FREM3: variants seen among roughly 807,000 people sequenced by gnomAD.
FREM3 encodes the protein FRAS1-related extracellular matrix protein 3.
In FREM3, 105 loss-of-function variants were observed where a neutral mutation model predicts 129.1. The ratio of observed to expected loss-of-function variants is 0.81; its 90% CI spans 0.69 to 0.96. The LOEUF is 0.96. Among genes scored for constraint, FREM3 ranks in the 40% least tolerant of loss-of-function variants. FREM3 has a pLI of 0.00. For synonymous variants in FREM3, 1,014 were observed against 1,044.9 expected (o/e 0.97, Z 0.57); for missense variants, 2,593 against 2,666.3 (o/e 0.97, Z 0.61).
chr4:143,595,069 A>C (rs926338092), intron 6 of FREM3, among the ~76,000 whole-genome samples: 5 of 152,382 alleles, frequency 3.3e-5, no homozygotes, highest in African/African-American at 1.2e-4. Context: ...GCTCTCAAAG[A>C]GATAAAATTA....
chr4:143,618,369 C>G lies in FREM3; in HGVS notation c.5779+2668G>C, dbSNP rs139061684. 2.6e-3 allele frequency among the ~76,000 whole-genome samples: 395 copies of G among 151,956 alleles called. 3 individuals are homozygous for G. The highest frequency in any genetic ancestry group is 8.3e-3 in the African/African-American group (345 of 41,414). On this transcript the variant is annotated intron_variant, in intron 5 of 7. Transcript: ENST00000329798. ...CTGAGCCTTGACCCCGAGATCCCCA[C>G]ATAAGAAGGTATTTTCATGTTTGTG... is the stretch of plus-strand genomic sequence containing the variant.
chr4:143,698,339 C>T lies in FREM3; in HGVS notation c.2337G>A (p.Gln779=), dbSNP rs762058146. ...GGTAGGCAACTTTATGCTGATTTAC[C>T]TGGGCTTGGGTAAAGTGCATGATGA... The part of the protein sequence containing the change: ...DTLIMHFTQA[Q]VNQHKVAYQP... Residue 779 remains glutamine, a synonymous_variant, in exon 1 of 8, where the codon CAG becomes CAA. Transcript: ENST00000329798. The T allele has an allele frequency of 6.5e-7, 1 of 1,537,848 alleles. No homozygotes were observed. Among genetic ancestry groups the T allele is most frequent in the South Asian group, 1.2e-5 (1 of 84,052 alleles).
At position 143,700,508 on chromosome 4, in the gene FREM3, G is replaced by A. The variant is rs1740679400; in HGVS notation, c.168C>T (p.Arg56=). 3.3e-6 allele frequency: 5 copies of A among 1,517,386 alleles called. No homozygotes were observed. The highest frequency in any genetic ancestry group is 1.2e-5 in the South Asian group (1 of 81,644). 94.0% of individuals were successfully genotyped at this position (1,517,386 alleles called of 1,614,324 possible). A position where few individuals can be genotyped will look rare whatever the true frequency, so the allele number is the denominator to read the frequency against. The change falls in exon 1 of 8, where the codon CGC becomes CGT. Residue 56 remains arginine (R), a synonymous_variant. Coordinates refer to ENST00000329798, the MANE Select transcript of FREM3 (RefSeq NM_001168235.2). Reference sequence around the variant, plus strand: ...CAATCAGCACGCTGGGGCCGTCGGGGCGAGTGCCGTCAAGCGCACCCCGGG... The same window carrying A: ...CAATCAGCACGCTGGGGCCGTCGGGACGAGTGCCGTCAAGCGCACCCCGGG... The part of the protein sequence containing the change: ...LPARGALDGT[R]PDGPSVLIAN...
intron 4 of FREM3, among the ~76,000 whole-genome samples, chr4:143,623,059 ACTT>A (rs1270955194): frequency 1.3e-5 from 2 of 152,210 alleles, no homozygotes; most frequent in African/African-American, 2.4e-5. Flanking sequence ...TATGAACACT[ACTT>A]CTCAAATTAT....
intron 1 of FREM3, among the ~76,000 whole-genome samples, chr4:143,694,308 G>A (rs1469477333): frequency 6.6e-6 from 1 of 152,140 alleles, no homozygotes; most frequent in Non-Finnish European, 1.5e-5. Context: ...TTCTGCACAA[G>A]TATAGAGCTT....
chr4:143,674,425 C>G (rs1441755761), intron 2 of FREM3, among the ~76,000 whole-genome samples: 2 of 152,102 alleles, frequency 1.3e-5, no homozygotes, highest in South Asian at 4.1e-4. Flanking sequence ...CGGTACCAGC[C>G]ACTGCAAAAA....
intron 2 of FREM3, among the ~76,000 whole-genome samples, chr4:143,653,798 T>C (rs1739551502): frequency 6.6e-6 from 1 of 152,226 alleles, no homozygotes; most frequent in African/African-American, 2.4e-5. Context: ...AGCGTTTAGA[T>C]GGTTGGGCCC....
intron 2 of FREM3, among the ~76,000 whole-genome samples, chr4:143,678,360 G>C (rs372897421): frequency 6.6e-6 from 1 of 152,042 alleles, no homozygotes; most frequent in East Asian, 1.9e-4. Flanking sequence ...TTGGACACAG[G>C]AAGGGGAACA....
chr4:143,679,983 A>G (rs940532616), intron 2 of FREM3, among the ~76,000 whole-genome samples: 2 of 152,250 alleles, frequency 1.3e-5, no homozygotes, highest in East Asian at 1.9e-4. Context: ...TAATGTGGTT[A>G]GTCATATTAA....
At chr4:143,635,860 A>T (rs1478785388) in intron 2 of FREM3, among the ~76,000 whole-genome samples, 1 of 152,142 alleles carries the variant, frequency 6.6e-6, no homozygotes, top group Non-Finnish European at 1.5e-5. Flanking sequence ...AAGAAGAGCT[A>T]TTTAGTGGGG....
intron 2 of FREM3, among the ~76,000 whole-genome samples, chr4:143,684,535 C>G (rs1740321028): frequency 6.6e-6 from 1 of 152,216 alleles, no homozygotes; most frequent in Non-Finnish European, 1.5e-5. Context: ...TTCCCTCTGA[C>G]AGAGGCTACC....
chr4:143,692,840 C>T (rs529671605), intron 2 of FREM3, among the ~76,000 whole-genome samples: 94 of 152,148 alleles, frequency 6.2e-4, no homozygotes, highest in Non-Finnish European at 1.1e-3. Flanking sequence ...TATATGATGT[C>T]ACACATGATC....
At chr4:143,584,620 A>C (rs545831487) in intron 7 of FREM3, among the ~76,000 whole-genome samples, 2 of 152,322 alleles carry the variant, frequency 1.3e-5, no homozygotes, top group Admixed American at 1.3e-4. Flanking sequence ...GAGTATCCTC[A>C]TTCATAAAAC....
intron 2 of FREM3, among the ~76,000 whole-genome samples, chr4:143,670,118 AT>A (rs1036620309): frequency 3.9e-5 from 6 of 152,058 alleles, no homozygotes; most frequent in Non-Finnish European, 7.3e-5. Flanking sequence ...ATCTCATCAA[AT>A]TGTTTCTTCA....
At chr4:143,659,408 CA>C (rs1487904845) in intron 2 of FREM3, among the ~76,000 whole-genome samples, 15 of 151,768 alleles carry the variant, frequency 9.9e-5, no homozygotes, top group African/African-American at 3.6e-4. Context: ...CATGTCACTA[CA>C]AAGGACATTT....
rs77042242 is a variant in FREM3, at chr4:143,693,430, T to A, written c.5186-228A>T. ...CTCACCCCAGTCAGACTGGTGATTA[T>A]TAAAAAGCCAAAAAATAACAGATGC... On this transcript the variant is annotated intron_variant, in intron 1 of 7. Transcript: ENST00000329798. Among the ~76,000 whole-genome samples the A allele has an allele frequency of 8.4e-3, 1,285 of 152,274 alleles. 20 individuals carry two copies. The highest frequency in any genetic ancestry group is 0.029 in the African/African-American group (1,217 of 41,550).
intron 2 of FREM3, among the ~76,000 whole-genome samples, chr4:143,674,441 C>A (rs1740067067): frequency 6.6e-6 from 1 of 152,080 alleles, no homozygotes; most frequent in African/African-American, 2.4e-5. Flanking sequence ...AAAAACATGC[C>A]AAATTGTAAA....
intron 3 of FREM3, among the ~76,000 whole-genome samples, chr4:143,626,414 G>T (rs1436868189): frequency 6.6e-6 from 1 of 152,086 alleles, no homozygotes; most frequent in African/African-American, 2.4e-5. Flanking sequence ...GTTTGGACAG[G>T]GTGGCCAGAA....
At position 143,700,570 on chromosome 4, in the gene FREM3, G is replaced by A. The variant is rs1412687648; in HGVS notation, c.106C>T (p.Leu36Phe). Residue 36 changes from leucine to phenylalanine, a missense_variant, in exon 1 of 8, where the codon CTT becomes TTT. Physicochemically the swap from Leu to Phe is conservative, Grantham distance 22. Transcript: ENST00000329798. ...RPALQGRASSLGTEPDPALYL... is the reference protein window; with the variant it reads ...RPALQGRASSFGTEPDPALYL... ...AGCGCCGGGTCGGGCTCGGTCCCAA[G>A]TGAGGATGCCCGTCCCTGCAGCGCG... is the stretch of plus-strand genomic sequence containing the variant. 6.6e-7 allele frequency: 1 copy of A among 1,507,618 alleles called. No individual in the cohort carries two copies. Among genetic ancestry groups the A allele is most frequent in the Admixed American group, 2.1e-5 (1 of 48,694 alleles). 93.4% of individuals were successfully genotyped at this position (1,507,618 alleles called of 1,614,324 possible).
Sources: gnomAD v4.1 joint callset for allele counts (sites outside exome capture counted in the v4.1 genomes callset) on GRCh38, gnomAD v4.1.1 for gene constraint, MANE v1.5 for transcripts, NCBI Gene and HGNC (gene_info 2026-07-23, HGNC 2026-07-21) for gene names.